Variants in DMXL2 observed in about 807,000 individuals in gnomAD.
The protein encoded by DMXL2 is dmX-like protein 2.
In DMXL2, 103 loss-of-function variants were observed where a neutral mutation model predicts 331.1. The observed-to-expected ratio is 0.31, with a 90% confidence interval of 0.27 to 0.37. The LOEUF (loss-of-function observed/expected upper bound fraction) is 0.37. Ranked by LOEUF, DMXL2 falls within the 10% of genes least tolerant of loss-of-function variation. DMXL2 has a pLI of 1.00. For synonymous variants in DMXL2, 1,281 were observed against 1,252.1 expected (o/e 1.02, Z -0.49); for missense variants, 3,171 against 3,642.9 (o/e 0.87, Z 3.33).
At chr15:51,589,152 A>C (rs1484222585) in intron 1 of DMXL2, among the ~76,000 whole-genome samples, 1 of 152,332 alleles carries the variant, frequency 6.6e-6, no homozygotes, top group East Asian at 1.9e-4. Flanking sequence ...TACTCCGGGA[A>C]ATTTAAACCA....
chr15:51,526,042 GT>G, intron 13 of DMXL2, among the ~76,000 whole-genome samples: 1 of 151,336 alleles, frequency 6.6e-6, no homozygotes, highest in South Asian at 2.1e-4. Context: ...AGTCCTAGAG[GT>G]GATGGCCACA....
chr15:51,530,678 C>T (rs2047950896), intron 13 of DMXL2, among the ~76,000 whole-genome samples: 1 of 152,116 alleles, frequency 6.6e-6, no homozygotes. Context: ...TCACTTGAAC[C>T]TGGGAGGCAG....
intron 42 of DMXL2, among the ~76,000 whole-genome samples, chr15:51,451,184 T>A (rs1217015428): frequency 6.6e-6 from 1 of 152,158 alleles, no homozygotes; most frequent in African/African-American, 2.4e-5. Context: ...TCCCAGTACT[T>A]AGGGAGGTAG....
chr15:51,528,893 G>T (rs529253784), intron 13 of DMXL2, among the ~76,000 whole-genome samples: 1 of 152,222 alleles, frequency 6.6e-6, no homozygotes, highest in East Asian at 1.9e-4. Flanking sequence ...TTTAAGAAAT[G>T]AAATAATATC....
chr15:51,452,987 G>C (rs1476727295), intron 41 of DMXL2, among the ~76,000 whole-genome samples: 1 of 151,928 alleles, frequency 6.6e-6, no homozygotes, highest in Non-Finnish European at 1.5e-5. Flanking sequence ...TAACTCAGGA[G>C]TAGAAAATCA....
In DMXL2 at chr15:51,499,827, T is replaced by C; in HGVS notation, c.3397A>G (p.Ser1133Gly). ...ACGCTGACCCTTGAATCAAGTACAC[T>C]CCCAACCTTAACCAAATCATCAAGA... Reference protein sequence around the residue: ...IHLDDLVKVGSVLDSRVSVDS... With the variant: ...IHLDDLVKVGGVLDSRVSVDS... Residue 1133 changes from serine to glycine, a missense_variant, in exon 18 of 44, where the codon AGT (serine) becomes GGT (glycine). Transcript: ENST00000560891. The C allele has an allele frequency of 6.2e-7, 1 of 1,614,102 alleles. No individual in the cohort carries two copies. Among genetic ancestry groups the C allele is most frequent in the African/African-American group, 1.3e-5 (1 of 75,020 alleles).
chr15:51,544,404 T>C (rs949586780), intron 8 of DMXL2, among the ~76,000 whole-genome samples: 1 of 152,208 alleles, frequency 6.6e-6, no homozygotes. Flanking sequence ...AAAAGATCCC[T>C]GTGGCCTCCC....
Position 51,576,122 on chromosome 15 carries a change from G to A in DMXL2, c.147C>T (p.Ile49=). 1 of 1,449,884 alleles carries A rather than the reference G, an allele frequency of 6.9e-7. No individual in the cohort carries two copies. Among genetic ancestry groups the A allele is most frequent in the Non-Finnish European group, 9.2e-7 (1 of 1,084,026 alleles). The allele number at this position is 1,449,884 out of a possible 1,614,324, so 89.8% of individuals were successfully genotyped here. A position where few individuals can be genotyped will look rare whatever the true frequency, so the allele number is the denominator to read the frequency against. ...ILANDFECVQ[I]IPGAKHGNIQ... is the part of the protein sequence containing the mutation. The stretch of plus-strand genomic sequence containing the variant: ...TGTTTCCATGCTTAGCACCAGGAAT[G>A]ATCTGTACACATTCAAAGTCATTTG... Residue 49 remains isoleucine, a synonymous_variant, in exon 2 of 44, where the codon ATC becomes ATT. Transcript: ENST00000560891.
chr15:51,580,846 C>G lies in DMXL2; in HGVS notation c.88-4665G>C, dbSNP rs375920943. ...AACCCTCACTTGTTATAATCCTATTCTTATAGACCAAATCCATCCTATTAG... is the reference window on the plus strand; with the variant it reads ...AACCCTCACTTGTTATAATCCTATTGTTATAGACCAAATCCATCCTATTAG... On this transcript the variant is annotated intron_variant, in intron 1 of 43. Coordinates refer to ENST00000560891, the MANE Select transcript of DMXL2 (RefSeq NM_001378457.1). Among the ~76,000 whole-genome samples the G allele has an allele frequency of 2.6e-4, 40 of 152,296 alleles. 1 individual carries two copies. In the East Asian group the frequency reaches 5.2e-3, roughly 20 times the overall value.
chr15:51,536,163 T>C lies in DMXL2; in HGVS notation c.2314+3A>G, dbSNP rs762239712. 2 of 1,569,790 alleles carry C rather than the reference T, an allele frequency of 1.3e-6. No homozygotes were observed. Among genetic ancestry groups the C allele is most frequent in the South Asian group, 2.4e-5 (2 of 83,156 alleles). ...TAATTTCACAATTACAATGAACACT[T>C]ACCTAGACAGTAACTGGGAATGAGA... On this transcript the variant is annotated splice_donor_region_variant and intron_variant, in intron 12 of 43. Coordinates refer to ENST00000560891, the MANE Select transcript of DMXL2 (RefSeq NM_001378457.1).
At chr15:51,466,148 C>CAA (rs10706765) in intron 30 of DMXL2, 36 bp downstream of exon 30, 4 of 1,373,938 alleles carry the variant, frequency 2.9e-6, no homozygotes, top group Admixed American at 2.6e-5. Flanking sequence ...AAAGAAAAGC[C>CAA]AAAAAAAAAA....
At chr15:51,471,124 T>C in intron 29 of DMXL2, 99 bp downstream of exon 29, 1 of 1,182,254 alleles carries the variant, frequency 8.5e-7, no homozygotes, top group Non-Finnish European at 1.2e-6. Flanking sequence ...GGTGATTCAA[T>C]CCAAAAGCTA....
chr15:51,497,544 A>G (rs901352381), intron 18 of DMXL2, among the ~76,000 whole-genome samples: 11 of 152,202 alleles, frequency 7.2e-5, no homozygotes, highest in African/African-American at 2.7e-4. Context: ...GAAACATAGC[A>G]ATTTTTCACT....
intron 30 of DMXL2, among the ~76,000 whole-genome samples, 180 bp from the exon 31 acceptor site, chr15:51,465,831 A>G (rs760470579): frequency 2.6e-5 from 4 of 152,226 alleles, no homozygotes; most frequent in Non-Finnish European, 5.9e-5. Flanking sequence ...TTGCAATACT[A>G]TATTACACTT....
At chr15:51,615,868 T>G (rs2054253960) in intron 1 of DMXL2, among the ~76,000 whole-genome samples, 1 of 152,186 alleles carries the variant, frequency 6.6e-6, no homozygotes, top group Non-Finnish European at 1.5e-5. Context: ...ATGAGCTACA[T>G]ATATCTGTGA....
At chr15:51,608,418 C>A (rs957560941) in intron 1 of DMXL2, among the ~76,000 whole-genome samples, 4 of 152,062 alleles carry the variant, frequency 2.6e-5, no homozygotes, top group Admixed American at 2.0e-4. Flanking sequence ...TACTATGCAG[C>A]CAAAAAAATG....
chr15:51,603,186 A>G (rs1045710132), intron 1 of DMXL2, among the ~76,000 whole-genome samples: 11 of 152,242 alleles, frequency 7.2e-5, no homozygotes, highest in Non-Finnish European at 1.6e-4. Context: ...TGAAATCAAA[A>G]GAGCAATATA....
intron 14 of DMXL2, among the ~76,000 whole-genome samples, chr15:51,514,919 T>G (rs1398537551): frequency 6.6e-6 from 1 of 151,884 alleles, no homozygotes. Flanking sequence ...AGCATCAGAT[T>G]CACAACTGAC....
intron 13 of DMXL2, among the ~76,000 whole-genome samples, chr15:51,521,475 T>C (rs1397991020): frequency 6.6e-6 from 1 of 150,624 alleles, no homozygotes; most frequent in African/African-American, 2.4e-5. Flanking sequence ...GTAGTGGTAG[T>C]AGTAGTAGTA....
Sources: gnomAD v4.1 joint callset for allele counts (sites outside exome capture counted in the v4.1 genomes callset) on GRCh38, gnomAD v4.1.1 for gene constraint, MANE v1.5 for transcripts, NCBI Gene and HGNC (gene_info 2026-07-23, HGNC 2026-07-21) for gene names.